Variants in EPHB1 observed in about 807,000 individuals in gnomAD.
EPHB1 encodes EPH receptor B1, also known as ephrin type-B receptor 1.
In EPHB1, 30 loss-of-function variants were observed where a neutral mutation model predicts 94.4. The ratio of observed to expected loss-of-function variants is 0.32; its 90% confidence interval spans 0.24 to 0.43. EPHB1 has a LOEUF of 0.43. EPHB1 is among the 20% of genes least tolerant of loss of function. The pLI, the probability that EPHB1 is intolerant of heterozygous loss-of-function variation, is 1.00. For missense variants in EPHB1, 1,055 were observed against 1,308.3 expected (o/e 0.81, Z 2.99); for synonymous variants, 522 against 489.1 (o/e 1.07, Z -0.89).
At chr3:134,873,524 A>T (rs2037546031) in intron 1 of EPHB1, among the ~76,000 whole-genome samples, 1 of 152,258 alleles carries the variant, frequency 6.6e-6, no homozygotes, top group Non-Finnish European at 1.5e-5. Context: ...TTATTGGGGA[A>T]ATATGGCTGC....
At chr3:134,948,070 A>C (rs1227746009) in intron 2 of EPHB1, among the ~76,000 whole-genome samples, 1 of 152,194 alleles carries the variant, frequency 6.6e-6, no homozygotes, top group Non-Finnish European at 1.5e-5. Flanking sequence ...CTAGAATTAT[A>C]GGCATAAGCC....
intron 5 of EPHB1, among the ~76,000 whole-genome samples, chr3:135,147,964 T>C (rs993799224): frequency 6.6e-6 from 1 of 152,206 alleles, no homozygotes; most frequent in Admixed American, 6.5e-5. Flanking sequence ...TCTTTAAACA[T>C]TTTACTCCAA....
intron 2 of EPHB1, among the ~76,000 whole-genome samples, chr3:134,936,719 G>A (rs549749906): frequency 6.6e-6 from 1 of 152,350 alleles, no homozygotes; most frequent in South Asian, 2.1e-4. Context: ...ATTTCCCAGT[G>A]TCACGAAGGA....
intron 1 of EPHB1, among the ~76,000 whole-genome samples, chr3:134,830,056 A>G (rs750775435): frequency 5.3e-5 from 8 of 152,182 alleles, no homozygotes; most frequent in Non-Finnish European, 8.8e-5. Flanking sequence ...AGTTGGTGGT[A>G]CTTTGTTACA....
intron 2 of EPHB1, among the ~76,000 whole-genome samples, chr3:134,939,605 A>G (rs1438368428): frequency 1.3e-5 from 2 of 152,102 alleles, no homozygotes; most frequent in East Asian, 1.9e-4. Context: ...CTAATATCCA[A>G]GCTTTTTCAG....
At chr3:135,258,071 C>G (rs886566211) in intron 15 of EPHB1, among the ~76,000 whole-genome samples, 1 of 152,154 alleles carries the variant, frequency 6.6e-6, no homozygotes. Context: ...CCTGCTTCGG[C>G]TCGTGCACGC....
Position 135,250,798 on chromosome 3 carries a change from T to C in EPHB1, c.2846+1307T>C, listed in dbSNP as rs1218694844. The stretch of plus-strand genomic sequence containing the variant: ...ACATATTGTGGGATCTGGCAGCCTG[T>C]AGTACACATTTCTTATGGTAGAAGA... On this transcript the variant is annotated intron_variant, in intron 15 of 15. Coordinates refer to ENST00000398015, the MANE Select transcript of EPHB1 (RefSeq NM_004441.5). 4.6e-5 allele frequency among the ~76,000 whole-genome samples: 7 copies of C among 152,138 alleles called. No individual in the cohort carries two copies. The East Asian group carries it at 1.4e-3, about 29-fold the overall frequency.
intron 3 of EPHB1, among the ~76,000 whole-genome samples, chr3:135,067,280 A>C (rs914514020): frequency 1.3e-4 from 20 of 152,126 alleles, no homozygotes; most frequent in Admixed American, 9.8e-4. Context: ...CTTTGTCTTC[A>C]GCTACCAGAG....
At chr3:134,932,230 G>A (rs2038919955) in intron 2 of EPHB1, among the ~76,000 whole-genome samples, 1 of 152,124 alleles carries the variant, frequency 6.6e-6, no homozygotes, top group Non-Finnish European at 1.5e-5. Flanking sequence ...CTCCTGATAC[G>A]AGCTACATGC....
intron 4 of EPHB1, among the ~76,000 whole-genome samples, chr3:135,114,244 TAA>T (rs1376954435): frequency 6.6e-6 from 1 of 152,166 alleles, no homozygotes; most frequent in Non-Finnish European, 1.5e-5. Context: ...GTATAATTGC[TAA>T]GAGTGTGGGC....
chr3:135,167,738 C>T (rs1941689947), intron 9 of EPHB1, among the ~76,000 whole-genome samples: 1 of 152,216 alleles, frequency 6.6e-6, no homozygotes, highest in Non-Finnish European at 1.5e-5. Context: ...ACAGCAGACA[C>T]ATTCTGTTTC....
intron 3 of EPHB1, among the ~76,000 whole-genome samples, chr3:135,034,427 C>T (rs953887076): frequency 2.0e-5 from 3 of 152,222 alleles, no homozygotes; most frequent in African/African-American, 7.2e-5. Flanking sequence ...TCCTGTGCAG[C>T]ACCAGAGGCT....
intron 5 of EPHB1, among the ~76,000 whole-genome samples, chr3:135,153,001 C>G (rs1376752645): frequency 6.6e-6 from 1 of 152,160 alleles, no homozygotes; most frequent in African/African-American, 2.4e-5. Context: ...CCTGGACTAG[C>G]AGCATCTTCA....
At chr3:134,954,022 G>T (rs560370141) in intron 3 of EPHB1, among the ~76,000 whole-genome samples, 2 of 152,220 alleles carry the variant, frequency 1.3e-5, no homozygotes, top group Non-Finnish European at 1.5e-5. Flanking sequence ...CTCATTGGAG[G>T]GTAAAGGAAA....
At chr3:134,959,379 T>C (rs1225220469) in intron 3 of EPHB1, among the ~76,000 whole-genome samples, 1 of 152,166 alleles carries the variant, frequency 6.6e-6, no homozygotes, top group African/African-American at 2.4e-5. Context: ...AGAACTCAGG[T>C]CTAGGGAGGC....
At chr3:134,802,767 C>G (rs2035959070) in intron 1 of EPHB1, among the ~76,000 whole-genome samples, 1 of 152,140 alleles carries the variant, frequency 6.6e-6, no homozygotes, top group African/African-American at 2.4e-5. Flanking sequence ...ATTTTGACAG[C>G]CTAGCAAATG....
chr3:135,201,990 G>A (rs1576465453), intron 12 of EPHB1, among the ~76,000 whole-genome samples: 2 of 152,078 alleles, frequency 1.3e-5, no homozygotes, highest in African/African-American at 4.8e-5. Context: ...ATCCAAGCAG[G>A]TAGACACTGG....
In EPHB1 at chr3:135,259,469, G is replaced by A; in HGVS notation, c.*349G>A. On this transcript the variant is annotated 3_prime_UTR_variant, in exon 16 of 16. Coordinates refer to ENST00000398015, the MANE Select transcript of EPHB1 (RefSeq NM_004441.5). ...CAACCACAGGAAGAAAGGGAAGGAG[G>A]TAGAGGGAAGAAACAGAAGCAGTGT... 1 of 227,494 alleles carries A rather than the reference G, an allele frequency of 4.4e-6. No individual in the cohort carries two copies. The highest frequency in any genetic ancestry group is 8.7e-6 in the Non-Finnish European group (1 of 114,726). The allele number at this position is 227,494 out of a possible 1,614,324, so 14.1% of individuals were successfully genotyped here. A position where few individuals can be genotyped will look rare whatever the true frequency, so the allele number is the denominator to read the frequency against.
intron 10 of EPHB1, among the ~76,000 whole-genome samples, chr3:135,183,011 T>TTTTCTTTTCTTTTCTTTTCTTTTC (rs1559865202): frequency 2.7e-4 from 20 of 72,826 alleles, no homozygotes; most frequent in Non-Finnish European, 4.7e-4. Flanking sequence ...TTTTCTTTTC[T>TTTTCTTTTCTTTTCTTTTCTTTTC]TTTCTTTTCT....
Sources: allele counts gnomAD v4.1 joint callset (sites outside exome capture counted in the v4.1 genomes callset), GRCh38; gene constraint gnomAD v4.1.1; transcripts MANE v1.5; gene names NCBI Gene and HGNC (gene_info 2026-07-23, HGNC 2026-07-21).